Variants in ISM1 observed in about 807,000 individuals in gnomAD.
The protein encoded by ISM1 is isthmin 1.
In ISM1, 25 loss-of-function variants were observed where a neutral mutation model predicts 46.3. The ratio of observed to expected loss-of-function variants is 0.54; its 90% CI spans 0.39 to 0.75. The LOEUF is 0.75. ISM1 is among the 30% of genes least tolerant of loss of function. The pLI is 0.00. For missense variants in ISM1, 536 were observed against 625.4 expected (o/e 0.86, Z 1.52); for synonymous variants, 255 against 256.7 (o/e 0.99, Z 0.06).
the ISM1 span, among the ~76,000 whole-genome samples, chr20:13,308,462 A>T: frequency 6.6e-6 from 1 of 152,162 alleles, no homozygotes; most frequent in Non-Finnish European, 1.5e-5. Flanking sequence ...TATGAATTGA[A>T]CAGTACTTTG....
intron 5 of ISM1, among the ~76,000 whole-genome samples, chr20:13,297,926 A>AG (rs2040422087): frequency 1.3e-5 from 2 of 152,096 alleles, no homozygotes; most frequent in Non-Finnish European, 2.9e-5. Flanking sequence ...TTCCTCTTTG[A>AG]GGCGCCTTGC....
chr20:13,303,025 AC>A (rs1404381975), downstream of ISM1, among the ~76,000 whole-genome samples: 1 of 152,184 alleles, frequency 6.6e-6, no homozygotes, highest in African/African-American at 2.4e-5. Context: ...TTCTGAGCCC[AC>A]ACTTTGTGTC....
At chr20:13,317,578 T>C in the ISM1 span, among the ~76,000 whole-genome samples, 1 of 152,070 alleles carries the variant, frequency 6.6e-6, no homozygotes, top group African/African-American at 2.4e-5. Flanking sequence ...AGTGTAGTAC[T>C]GACAAAAGAA....
At chr20:13,272,892 A>C (rs1047147565) in intron 2 of ISM1, among the ~76,000 whole-genome samples, 2 of 152,216 alleles carry the variant, frequency 1.3e-5, no homozygotes, top group Non-Finnish European at 2.9e-5. Flanking sequence ...AAGGGTGTTT[A>C]GGCCATGCCC....
intron 1 of ISM1, among the ~76,000 whole-genome samples, chr20:13,225,065 G>A (rs957123844): frequency 6.6e-6 from 1 of 150,682 alleles, no homozygotes; most frequent in Non-Finnish European, 1.5e-5. Context: ...GTGTTAGCCA[G>A]GATGGTCTCA....
At chr20:13,246,973 G>T (rs112017488) in intron 1 of ISM1, among the ~76,000 whole-genome samples, 5,527 of 152,066 alleles carry the variant, frequency 0.036, 173 homozygotes, top group African/African-American at 0.077. Flanking sequence ...CAGTGGCTCA[G>T]GCCTGTAATC....
At chr20:13,301,275 G>A (rs757741301), downstream of ISM1, among the ~76,000 whole-genome samples, 2 of 151,870 alleles carry the variant, frequency 1.3e-5, no homozygotes, top group Non-Finnish European at 2.9e-5. Flanking sequence ...CACAACTTCC[G>A]CCTCCTGAGT....
chr20:13,250,355 G>C (rs566652188), intron 1 of ISM1, among the ~76,000 whole-genome samples: 2 of 152,198 alleles, frequency 1.3e-5, no homozygotes, highest in African/African-American at 4.8e-5. Flanking sequence ...GCTCAGAGTC[G>C]ATTCAGCTTG....
chr20:13,312,293 T>A, the ISM1 span, among the ~76,000 whole-genome samples: 1 of 152,186 alleles, frequency 6.6e-6, no homozygotes, highest in African/African-American at 2.4e-5. Context: ...ATATGTGAGT[T>A]CACAGTCGGC....
chr20:13,264,046 T>TCTAACTAGG (rs902462031), intron 1 of ISM1, among the ~76,000 whole-genome samples: 4 of 152,126 alleles, frequency 2.6e-5, no homozygotes, highest in African/African-American at 9.7e-5. Context: ...TAAAATAAAA[T>TCTAACTAGG]CTAACTAGGC....
chr20:13,297,595 A>T (rs981566125), intron 5 of ISM1, among the ~76,000 whole-genome samples: 1 of 152,208 alleles, frequency 6.6e-6, no homozygotes, highest in South Asian at 2.1e-4. Context: ...AAATGAAAGG[A>T]TCAAGTAGGA....
At chr20:13,233,288 A>T (rs1388702717) in intron 1 of ISM1, among the ~76,000 whole-genome samples, 1 of 152,076 alleles carries the variant, frequency 6.6e-6, no homozygotes, top group Non-Finnish European at 1.5e-5. Flanking sequence ...AGGGAGTAGG[A>T]AGAGCAAAAA....
chr20:13,288,960 G>GT (rs919235977), intron 4 of ISM1, among the ~76,000 whole-genome samples: 6 of 151,946 alleles, frequency 3.9e-5, no homozygotes, highest in Non-Finnish European at 8.8e-5. Flanking sequence ...AATTTTTGTA[G>GT]TTTTTTAAGT....
chr20:13,304,380 C>T (rs2040483132), downstream of ISM1, among the ~76,000 whole-genome samples: 1 of 152,094 alleles, frequency 6.6e-6, no homozygotes, highest in Non-Finnish European at 1.5e-5. Context: ...CTTCTCACTC[C>T]CCCACTGTCT....
chr20:13,265,948 C>G (rs2040038050), intron 1 of ISM1, among the ~76,000 whole-genome samples: 1 of 152,206 alleles, frequency 6.6e-6, no homozygotes, highest in Non-Finnish European at 1.5e-5. Flanking sequence ...AGACTACAGC[C>G]TCCATCCTCA....
Position 13,221,467 on chromosome 20 carries a change from TCCG to T in ISM1, c.-295_-293del, listed in dbSNP as rs1415339300. On this transcript the variant is annotated 5_prime_UTR_variant, in exon 1 of 6. Coordinates refer to ENST00000262487, the MANE Select transcript of ISM1 (RefSeq NM_080826.2). ...GCTGTCCCGGGACCCAGTCTCCGTC[TCCG>T]CCGCCGCCGCCGCCAGGCAGCGCCG... 4.2e-5 allele frequency among the ~76,000 whole-genome samples: 6 copies of T among 142,106 alleles called. No homozygotes were observed. The highest frequency in any genetic ancestry group is 3.1e-5 in the Non-Finnish European group (2 of 64,484). The allele number at this position is 142,106 out of a possible 152,430, so 93.2% of individuals were successfully genotyped here. A position where few individuals can be genotyped will look rare whatever the true frequency, so the allele number is the denominator to read the frequency against.
At chr20:13,291,548 A>T (rs2040352939) in intron 4 of ISM1, among the ~76,000 whole-genome samples, 1 of 151,784 alleles carries the variant, frequency 6.6e-6, no homozygotes, top group Non-Finnish European at 1.5e-5. Context: ...ACAGTGCCTC[A>T]CTCCCTCCTC....
chr20:13,281,095 A>G (rs944436218), intron 3 of ISM1, among the ~76,000 whole-genome samples: 6 of 152,244 alleles, frequency 3.9e-5, no homozygotes, highest in Non-Finnish European at 7.3e-5. Flanking sequence ...AAAGAACAAG[A>G]CAAAAATATT....
intron 4 of ISM1, among the ~76,000 whole-genome samples, chr20:13,289,687 A>G (rs2040332598): frequency 6.6e-6 from 1 of 151,742 alleles, no homozygotes; most frequent in Admixed American, 6.6e-5. Context: ...GAGGAGGAGG[A>G]AGAGGAGGAG....
Sources: gnomAD v4.1 joint callset for allele counts (sites outside exome capture counted in the v4.1 genomes callset) on GRCh38, gnomAD v4.1.1 for gene constraint, MANE v1.5 for transcripts, NCBI Gene and HGNC (gene_info 2026-07-23, HGNC 2026-07-21) for gene names.